ANK3: variants seen among roughly 807,000 people sequenced by gnomAD.
ANK3 encodes ankyrin-3.
Under a neutral mutation model 370.9 loss-of-function variants are expected in ANK3, and 57 were observed. The observed-to-expected ratio is 0.15, with a 90% CI of 0.12 to 0.19. The LOEUF is 0.19. ANK3 is among the 10% of genes least tolerant of loss of function. The pLI is 1.00. For synonymous variants in ANK3, 1,929 were observed against 1,946.3 expected, an observed-to-expected ratio of 0.99 and a Z score of 0.23; for missense variants, 4,439 against 5,302.1, an observed-to-expected ratio of 0.84 and a Z score of 5.06.
chr10:60,507,954 A>G (rs1343319122), intron 2 of ANK3: 1 of 152,152 alleles, frequency 6.6e-6, no homozygotes, highest in Non-Finnish European at 1.5e-5. Context: ...AATAGTAAAT[A>G]CAGTCTTCAA....
chr10:60,568,866 G>A (rs117188677), intron 2 of ANK3, among the ~76,000 whole-genome samples: 1 of 152,296 alleles, frequency 6.6e-6, no homozygotes, highest in Non-Finnish European at 1.5e-5. Flanking sequence ...AGCAAAAGAT[G>A]CCTCTCCTTC....
chr10:60,648,667 G>A (rs2078745080), intron 1 of ANK3, among the ~76,000 whole-genome samples: 1 of 150,916 alleles, frequency 6.6e-6, no homozygotes, highest in South Asian at 2.1e-4. Flanking sequence ...CTACTCGGAA[G>A]GCTGAGGCAG....
At chr10:60,362,823 A>G (rs780865705) in intron 1 of ANK3, among the ~76,000 whole-genome samples, 1 of 152,116 alleles carries the variant, frequency 6.6e-6, no homozygotes, top group Non-Finnish European at 1.5e-5. Context: ...GAGCACACTC[A>G]GTCTAGTTGA....
intron 1 of ANK3, among the ~76,000 whole-genome samples, chr10:60,637,647 A>C (rs2078573115): frequency 2.0e-5 from 3 of 152,212 alleles, no homozygotes; most frequent in Admixed American, 2.0e-4. Flanking sequence ...AATATTCTAA[A>C]AATAAGGGAA....
intron 36 of ANK3, among the ~76,000 whole-genome samples, chr10:60,077,334 A>G (rs576635029): frequency 8.5e-5 from 13 of 152,360 alleles, no homozygotes; most frequent in African/African-American, 2.6e-4. Flanking sequence ...AAAAAAACAG[A>G]AAATATGGTT....
chr10:60,220,002 A>C (rs2132481415), intron 8 of ANK3, among the ~76,000 whole-genome samples: 1 of 152,332 alleles, frequency 6.6e-6, no homozygotes, highest in Non-Finnish European at 1.5e-5. Context: ...TATAAACCAA[A>C]GTAAAGCAGC....
At chr10:60,573,164 TA>T in intron 2 of ANK3, among the ~76,000 whole-genome samples, 1 of 151,476 alleles carries the variant, frequency 6.6e-6, no homozygotes, top group African/African-American at 2.4e-5. Flanking sequence ...ATTCAAACAA[TA>T]AAAGAGACCT....
chr10:60,069,545 T>G lies in ANK3; in HGVS notation c.11336A>C (p.His3779Pro), dbSNP rs750157753. The change falls in exon 37 of 44, where the codon CAT becomes CCT. Residue 3779 changes from histidine (H) to proline (P), a missense_variant. Physicochemically the swap from His to Pro is moderately conservative, Grantham distance 77. This residue lies in a region of ANK3 where 496 missense variants were observed against 529.3 expected (regional missense o/e 0.94). Coordinates refer to ENST00000280772, the MANE Select transcript of ANK3 (RefSeq NM_020987.5). ...ATTAAAGTTATCTTTTTGAAAATCA[T>G]GTTTTTCATGGGGCCTAACGCCCAT... ...SQMGVRPHEK[H>P]DFQKDNFNNN... 6.2e-7 allele frequency: 1 copy of G among 1,613,036 alleles called. No individual in the cohort carries two copies. Among genetic ancestry groups the G allele is most frequent in the East Asian group, 2.2e-5 (1 of 44,874 alleles).
At chr10:60,113,933 G>A (rs1393108242) in intron 26 of ANK3, among the ~76,000 whole-genome samples, 2 of 151,938 alleles carry the variant, frequency 1.3e-5, no homozygotes, top group African/African-American at 2.4e-5. Context: ...GAAATTTTCT[G>A]AAAAGGAAAA....
At chr10:60,547,089 C>CTTTTTTT (rs5785455) in intron 2 of ANK3, among the ~76,000 whole-genome samples, 2 of 120,780 alleles carry the variant, frequency 1.7e-5, no homozygotes, top group African/African-American at 3.2e-5. Flanking sequence ...CAATGCAACT[C>CTTTTTTT]TTTTTTTTTT....
At chr10:60,224,240 T>C (rs1002119167) in intron 8 of ANK3, among the ~76,000 whole-genome samples, 20 of 152,116 alleles carry the variant, frequency 1.3e-4, no homozygotes, top group African/African-American at 4.8e-4. Context: ...TTAGTAATAT[T>C]TTCCAATTCC....
rs1473107603 is a variant in ANK3 at position 60,070,366 on chromosome 10, C to T, written c.10515G>A (p.Leu3505=). 1 of 1,614,048 alleles carries T rather than the reference C, an allele frequency of 6.2e-7. No homozygotes were observed. The highest frequency in any genetic ancestry group is 2.2e-5 in the East Asian group (1 of 44,838). Residue 3505 remains leucine, a synonymous_variant, in exon 37 of 44, where the codon CTG becomes CTA. Transcript: ENST00000280772. This position sits in a 1 kb window ranked among gnomAD's most constrained non-coding sequence, Gnocchi z 5.7. The stretch of plus-strand genomic sequence containing the variant: ...CTGATCTGTCAGGATGTCTGCCTTC[C>T]AGTGTGAAGAACTGGGCCCCTGACT... ...DQKSGAQFFT[L]EGRHPDRSVF...
chr10:60,538,668 C>T (rs376371463), intron 2 of ANK3, among the ~76,000 whole-genome samples: 4 of 151,964 alleles, frequency 2.6e-5, no homozygotes, highest in African/African-American at 9.6e-5. Context: ...TAACATACAC[C>T]ATGGTTCTGC....
chr10:60,470,794 A>G (rs1053599547), intron 2 of ANK3, among the ~76,000 whole-genome samples: 6 of 152,170 alleles, frequency 3.9e-5, no homozygotes, highest in African/African-American at 1.4e-4. Flanking sequence ...GAAGCCAAAG[A>G]ATAAAAAACA....
At chr10:60,148,411 C>T (rs1221903191) in intron 23 of ANK3, among the ~76,000 whole-genome samples, 1 of 152,184 alleles carries the variant, frequency 6.6e-6, no homozygotes, top group African/African-American at 2.4e-5. Context: ...ACTTTAGAAA[C>T]TATATCTAGC....
chr10:60,180,594 C>CAAAAAAAAAAAAAAAAAAA (rs58386273), intron 18 of ANK3, among the ~76,000 whole-genome samples: 1 of 63,414 alleles, frequency 1.6e-5, no homozygotes, highest in Non-Finnish European at 2.7e-5. Flanking sequence ...GACTCCGTCT[C>CAAAAAAAAAAAAAAAAAAA]AAAAAAAAAA....
chr10:60,165,985 C>T (rs1335539945), intron 23 of ANK3, among the ~76,000 whole-genome samples: 1 of 152,102 alleles, frequency 6.6e-6, no homozygotes, highest in Non-Finnish European at 1.5e-5. Context: ...ATATCATGAC[C>T]TGGTCAAAGT....
At chr10:60,037,772 G>GTGAT (rs2075356296) in intron 43 of ANK3, among the ~76,000 whole-genome samples, 1 of 152,136 alleles carries the variant, frequency 6.6e-6, no homozygotes, top group African/African-American at 2.4e-5. Context: ...AAGTGCCTTT[G>GTGAT]TGATAGAACA....
Position 60,027,828 on chromosome 10 carries a change from G to A in ANK3, c.*2018C>T, listed in dbSNP as rs1359098420. ...GTATGGGTTGCAAATTCACAGTCAG[G>A]TTGTACAAATATAAGAAATGAGGCT... On this transcript the variant is annotated 3_prime_UTR_variant, in exon 44 of 44. Transcript: ENST00000280772. 6.6e-6 allele frequency: 1 copy of A among 152,160 alleles called. No individual in the cohort carries two copies. The highest frequency in any genetic ancestry group is 1.9e-4 in the East Asian group (1 of 5,192). The allele number at this position is 152,160 out of a possible 1,614,324, so 9.4% of individuals were successfully genotyped here. A position where few individuals can be genotyped will look rare whatever the true frequency, so the allele number is the denominator to read the frequency against.
Sources: allele counts gnomAD v4.1 joint callset (sites outside exome capture counted in the v4.1 genomes callset), GRCh38; gene constraint gnomAD v4.1.1; regional missense constraint gnomAD v4.1.1; non-coding constraint Gnocchi (gnomAD v3.1); transcripts MANE v1.5; gene names NCBI Gene and HGNC (gene_info 2026-07-23, HGNC 2026-07-21).